The following UBTD1 variants were observed in gnomAD, a reference collection of about 807,000 sequenced individuals.
UBTD1 encodes the protein ubiquitin domain-containing protein 1.
A neutral mutation model predicts 21.7 loss-of-function variants in UBTD1; 19 were observed. That is an observed-to-expected ratio of 0.87 (90% CI 0.61 to 1.28). UBTD1 has a LOEUF of 1.28. Ranked by LOEUF, UBTD1 falls within the 50% of genes most tolerant of loss-of-function variation. The pLI is 0.00. For missense variants in UBTD1, 282 were observed against 315.1 expected, an observed-to-expected ratio of 0.89 and a Z score of 0.80; for synonymous variants, 116 against 135.1, an observed-to-expected ratio of 0.86 and a Z score of 0.98.
intron 1 of UBTD1, among the ~76,000 whole-genome samples, chr10:97,506,566 A>G (rs1462445148): frequency 6.6e-6 from 1 of 151,846 alleles, no homozygotes; most frequent in African/African-American, 2.4e-5. Context: ...GCATGAGTAC[A>G]TTCTTTGTAT....
At chr10:97,560,936 C>CAA (rs200362068) in intron 1 of UBTD1, among the ~76,000 whole-genome samples, 1 of 151,296 alleles carries the variant, frequency 6.6e-6, no homozygotes, top group African/African-American at 2.4e-5. Context: ...AAACCAAAAC[C>CAA]AAAGTATCAC....
chr10:97,523,087 G>A (rs1362731871), intron 1 of UBTD1, among the ~76,000 whole-genome samples: 1 of 152,162 alleles, frequency 6.6e-6, no homozygotes, highest in East Asian at 1.9e-4. Flanking sequence ...TTCGGGCTGT[G>A]CACCCATATC....
In UBTD1 at chr10:97,502,031, G is replaced by A. The variant is rs970755381; in HGVS notation, c.70+2758G>A. On this transcript the variant is annotated intron_variant, in intron 1 of 2. Transcript: ENST00000370664. ...ACTACATTGCAAGCCTTGAAGACCT[G>A]GGTTCTGTCTTATCCTTGTAGTATA... Among the ~76,000 whole-genome samples, 11 of 152,250 alleles carry A rather than the reference G, an allele frequency of 7.2e-5. No individual in the cohort carries two copies. The East Asian group carries it at 1.5e-3, about 21-fold the overall frequency.
chr10:97,502,098 A>G (rs533441166), intron 1 of UBTD1, among the ~76,000 whole-genome samples: 1 of 152,190 alleles, frequency 6.6e-6, no homozygotes, highest in Non-Finnish European at 1.5e-5. Flanking sequence ...ACTTAACACA[A>G]TGAGTTGTAC....
intron 1 of UBTD1, among the ~76,000 whole-genome samples, chr10:97,515,236 G>A (rs2040439162): frequency 1.3e-5 from 2 of 152,212 alleles, no homozygotes; most frequent in Admixed American, 6.5e-5. Context: ...TGAAAATGAG[G>A]ATTTAATGCA....
intron 1 of UBTD1, among the ~76,000 whole-genome samples, chr10:97,562,556 T>C (rs2040697791): frequency 6.6e-6 from 1 of 151,984 alleles, no homozygotes; most frequent in African/African-American, 2.4e-5. Flanking sequence ...CAGGGGAGGA[T>C]ATTACAAAAT....
chr10:97,549,093 T>A (rs2040624653), intron 1 of UBTD1, among the ~76,000 whole-genome samples: 1 of 152,216 alleles, frequency 6.6e-6, no homozygotes. Flanking sequence ...CCCTTGTCCG[T>A]ATCTGTGGCT....
At position 97,524,822 on chromosome 10, in the gene UBTD1, T is replaced by A. The variant is rs116176654; in HGVS notation, c.70+25549T>A. Among the ~76,000 whole-genome samples the A allele has an allele frequency of 4.4e-3, 669 of 152,292 alleles. 7 individuals carry two copies. Among genetic ancestry groups the A allele is most frequent in the African/African-American group, 0.015 (638 of 41,554 alleles). ...CATGGTTGAAGTTGGGTTGCAGCCA[T>A]GTCTGGGCTCCAGCCAGTGGAGGGG... On this transcript the variant is annotated intron_variant, in intron 1 of 2. Coordinates refer to ENST00000370664, the MANE Select transcript of UBTD1 (RefSeq NM_024954.5).
intron 1 of UBTD1, among the ~76,000 whole-genome samples, chr10:97,520,138 T>G (rs1190791321): frequency 6.6e-6 from 1 of 152,240 alleles, no homozygotes; most frequent in Non-Finnish European, 1.5e-5. Flanking sequence ...ATGGTGGTAG[T>G]ACCTACCCTA....
rs1254995432 is a variant in UBTD1 at position 97,547,680 on chromosome 10, T to C, written c.71-20234T>C. 2.0e-5 allele frequency among the ~76,000 whole-genome samples: 3 copies of C among 152,182 alleles called. No homozygotes were observed. In the South Asian group the frequency reaches 6.2e-4, roughly 31 times the overall value. Reference sequence around the variant, plus strand: ...CCTGGGTTCAAGCGATTCTCTTGCCTCAGCCTCCTGAGTAACTGGGACTAC... The same window carrying C: ...CCTGGGTTCAAGCGATTCTCTTGCCCCAGCCTCCTGAGTAACTGGGACTAC... On this transcript the variant is annotated intron_variant, in intron 1 of 2. Transcript: ENST00000370664.
At chr10:97,518,337 T>C (rs2040453099) in intron 1 of UBTD1, among the ~76,000 whole-genome samples, 1 of 152,126 alleles carries the variant, frequency 6.6e-6, no homozygotes, top group Non-Finnish European at 1.5e-5. Context: ...GCCTGGTTCT[T>C]TCTCCCTAGC....
At chr10:97,548,189 G>C (rs951764158) in intron 1 of UBTD1, among the ~76,000 whole-genome samples, 2 of 152,236 alleles carry the variant, frequency 1.3e-5, no homozygotes, top group Admixed American at 1.3e-4. Flanking sequence ...ATTGCAGAGA[G>C]AGGCTACAGT....
intron 1 of UBTD1, among the ~76,000 whole-genome samples, chr10:97,563,355 T>C (rs2040702021): frequency 6.6e-6 from 1 of 152,118 alleles, no homozygotes; most frequent in Non-Finnish European, 1.5e-5. Context: ...TATACAGAGT[T>C]CTCCTTTTTC....
intron 1 of UBTD1, among the ~76,000 whole-genome samples, chr10:97,565,694 TC>T (rs2040714245): frequency 6.6e-6 from 1 of 152,068 alleles, no homozygotes; most frequent in Admixed American, 6.5e-5. Context: ...ATTGTATTTT[TC>T]TTTATTTTTA....
intron 1 of UBTD1, among the ~76,000 whole-genome samples, chr10:97,562,479 A>C (rs1174092353): frequency 6.6e-6 from 1 of 150,886 alleles, no homozygotes; most frequent in Non-Finnish European, 1.5e-5. Context: ...TTTTGTGGGC[A>C]GGGGGTGGAT....
chr10:97,505,330 C>G (rs1011437634), intron 1 of UBTD1, among the ~76,000 whole-genome samples: 2 of 152,168 alleles, frequency 1.3e-5, no homozygotes, highest in Non-Finnish European at 2.9e-5. Context: ...ACTGCATGTG[C>G]TCCTTTAAGT....
intron 1 of UBTD1, among the ~76,000 whole-genome samples, chr10:97,543,154 A>C (rs1390486144): frequency 6.6e-6 from 1 of 152,232 alleles, no homozygotes; most frequent in Non-Finnish European, 1.5e-5. Flanking sequence ...GCTAGAGTGC[A>C]ATGCGGACCC....
intron 1 of UBTD1, among the ~76,000 whole-genome samples, chr10:97,503,155 ATCT>A (rs762504326): frequency 3.6e-4 from 55 of 152,150 alleles, no homozygotes; most frequent in Non-Finnish European, 5.1e-4. Context: ...GCCTCAAGTA[ATCT>A]TCTTATCTTG....
In UBTD1 at chr10:97,532,180, C is replaced by T. The variant is rs186840120; in HGVS notation, c.70+32907C>T. 3.5e-3 allele frequency among the ~76,000 whole-genome samples: 539 copies of T among 152,280 alleles called. 1 individual carries two copies. The highest frequency in any genetic ancestry group is 4.1e-3 in the Non-Finnish European group (282 of 68,022). On this transcript the variant is annotated intron_variant, in intron 1 of 2. Coordinates refer to ENST00000370664, the MANE Select transcript of UBTD1 (RefSeq NM_024954.5). ...GTGGAGGGAGCACCTTGGGTCAAGG[C>T]GCTCTCAGTCTGCCATCTCTTGGCC...
Sources: gnomAD v4.1 joint callset for allele counts (sites outside exome capture counted in the v4.1 genomes callset) on GRCh38, gnomAD v4.1.1 for gene constraint, MANE v1.5 for transcripts, NCBI Gene and HGNC (gene_info 2026-07-23, HGNC 2026-07-21) for gene names.